Variants in SMOC1 observed in about 807,000 individuals in gnomAD.
The protein encoded by SMOC1 is SPARC related modular calcium binding 1.
A neutral mutation model predicts 56.3 loss-of-function variants in SMOC1; 22 were observed. That is an observed-to-expected ratio of 0.39 (90% CI 0.28 to 0.56). SMOC1 has a LOEUF of 0.56. Ranked by LOEUF, SMOC1 falls within the 20% of genes least tolerant of loss-of-function variation. The pLI is 0.61. For synonymous variants in SMOC1, 193 were observed against 215.0 expected, an observed-to-expected ratio of 0.90 and a Z score of 0.89; for missense variants, 509 against 565.4, an observed-to-expected ratio of 0.90 and a Z score of 1.01.
In SMOC1 at chr14:70,013,430, G is replaced by T; in HGVS notation, c.985G>T (p.Asp329Tyr). 2.5e-6 allele frequency: 4 copies of T among 1,614,216 alleles called. No homozygotes were observed. Among genetic ancestry groups the T allele is most frequent in the Non-Finnish European group, 3.4e-6 (4 of 1,180,050 alleles). The change falls in exon 10 of 12, where the codon GAT (aspartate) becomes TAT (tyrosine). Residue 329 changes from aspartate (D) to tyrosine (Y), a missense_variant. By Grantham distance (160) the Asp-to-Tyr change is radical. Around this residue, in one of 3 missense-constraint regions of SMOC1, gnomAD observed 176 missense variants for 188.1 expected, o/e 0.94. Coordinates refer to ENST00000361956, the MANE Select transcript of SMOC1 (RefSeq NM_001034852.3). ...AATGGAGTTTATCACCAGCCTACTG[G>T]ATGCTCTCACCACTGACATGGTTCA... is the stretch of plus-strand genomic sequence containing the variant. The part of the protein sequence containing the change: ...KKMEFITSLL[D>Y]ALTTDMVQAI...
intron 5 of SMOC1, among the ~76,000 whole-genome samples, chr14:69,989,444 A>T (rs1884485498): frequency 1.3e-5 from 2 of 152,242 alleles, no homozygotes; most frequent in African/African-American, 2.4e-5. Context: ...ATAGGATTTT[A>T]ATTTTGTAAA....
chr14:69,926,018 G>T (rs7146797), intron 1 of SMOC1, among the ~76,000 whole-genome samples: 3,852 of 149,690 alleles, frequency 0.026, 133 homozygotes, highest in African/African-American at 0.082. Flanking sequence ...TGTCACCGAG[G>T]CCCAAGGAGC....
rs78857203 is a variant in SMOC1, at chr14:69,961,935, T to A, written c.378+8403T>A. On this transcript the variant is annotated intron_variant, in intron 3 of 11. Transcript: ENST00000361956. ...AACACTTGTTATTTTCCATCTTTCT[T>A]ATTAGTATCTTTTCTAGTGGGTGTG... 5.9e-4 allele frequency among the ~76,000 whole-genome samples: 90 copies of A among 152,314 alleles called. 1 individual carries two copies. In the South Asian group the frequency reaches 0.018, roughly 30 times the overall value.
chr14:70,022,393 AG>A (rs146821413), intron 10 of SMOC1, among the ~76,000 whole-genome samples: 2,480 of 152,314 alleles, frequency 0.016, 73 homozygotes, highest in African/African-American at 0.057. Flanking sequence ...TCTGGATGCC[AG>A]GAAGTGTTCT....
chr14:69,973,970 G>T (rs947618436), intron 3 of SMOC1, among the ~76,000 whole-genome samples: 4 of 150,680 alleles, frequency 2.7e-5, no homozygotes, highest in Non-Finnish European at 5.9e-5. Context: ...TTTGCAGTTG[G>T]CACATGTCTT....
At chr14:70,023,155 G>T (rs767139246) in intron 10 of SMOC1, 48 bp from the exon 11 acceptor site, 19 of 1,613,250 alleles carry the variant, frequency 1.2e-5, no homozygotes, top group Non-Finnish European at 1.5e-5. Flanking sequence ...GTTCCTGCAA[G>T]ATCCTGATTG....
Position 69,953,506 on chromosome 14 carries a change from T to C in SMOC1, c.352T>C (p.Cys118Arg), listed in dbSNP as rs1405684121. 2 of 1,613,998 alleles carry C rather than the reference T, an allele frequency of 1.2e-6. No individual in the cohort carries two copies. Among genetic ancestry groups the C allele is most frequent in the Non-Finnish European group, 8.5e-7 (1 of 1,180,012 alleles). ...KPQEAVFVPE[C>R]GEDGSFTQVQ... ...TCAGGAAGCTGTGTTTGTCCCAGAGTGTGGCGAGGATGGCTCCTTTACCCA... is the reference window on the plus strand; with the variant it reads ...TCAGGAAGCTGTGTTTGTCCCAGAGCGTGGCGAGGATGGCTCCTTTACCCA... The change falls in exon 3 of 12, where the codon TGT (cysteine) becomes CGT (arginine). Residue 118 changes from cysteine (C) to arginine (R), a missense_variant. By Grantham distance (180) the Cys-to-Arg change is radical (BLOSUM62 -3). Transcript: ENST00000361956.
Position 69,965,134 on chromosome 14 carries a change from T to TA in SMOC1, c.379-10581_379-10580insA, listed in dbSNP as rs1458336347. Among the ~76,000 whole-genome samples, 12 of 152,148 alleles carry TA rather than the reference T, an allele frequency of 7.9e-5. No individual in the cohort carries two copies. In the East Asian group the frequency reaches 2.3e-3, roughly 29 times the overall value. On this transcript the variant is annotated intron_variant, in intron 3 of 11. Transcript: ENST00000361956. ...AGCGCACGCCTGTAATCCCAGCACT[T>TA]TGGGAGGCCGAGGTGGGTGAATCAC...
Position 70,024,849 on chromosome 14 carries a change from A to G in SMOC1, c.1291+1402A>G, listed in dbSNP as rs146789192. ...ATTGATAGTATCAGTTTTTCTTTAA[A>G]AAGTATTCTGGTTTCAGGGTGGGAC... On this transcript the variant is annotated intron_variant, in intron 11 of 11. Coordinates refer to ENST00000361956, the MANE Select transcript of SMOC1 (RefSeq NM_001034852.3). 4.4e-3 allele frequency among the ~76,000 whole-genome samples: 669 copies of G among 152,302 alleles called. 2 individuals carry two copies. The highest frequency in any genetic ancestry group is 6.5e-3 in the Non-Finnish European group (445 of 68,022).
chr14:69,907,860 A>G (rs1232820137), intron 1 of SMOC1, among the ~76,000 whole-genome samples: 1 of 152,050 alleles, frequency 6.6e-6, no homozygotes, highest in African/African-American at 2.4e-5. Context: ...CCATCTTCTC[A>G]CTCTAATCTT....
intron 1 of SMOC1, among the ~76,000 whole-genome samples, chr14:69,881,840 C>T (rs749014512): frequency 3.3e-5 from 5 of 152,108 alleles, no homozygotes; most frequent in African/African-American, 4.8e-5. Flanking sequence ...CTTACTCGAA[C>T]GAGAACAAGA....
intron 3 of SMOC1, among the ~76,000 whole-genome samples, chr14:69,972,713 G>A (rs947600856): frequency 3.3e-5 from 5 of 152,252 alleles, no homozygotes; most frequent in African/African-American, 9.6e-5. Context: ...GTGGCCCTTG[G>A]GACCCTCTGA....
Position 69,977,803 on chromosome 14 carries a change from C to T in SMOC1, c.479-115C>T. ...TATATAATATCCTTAGATGTGTATA[C>T]AATACATATATACATGACCATATGC... On this transcript the variant is annotated intron_variant, in intron 4 of 11. Coordinates refer to ENST00000361956, the MANE Select transcript of SMOC1 (RefSeq NM_001034852.3). The T allele has an allele frequency of 4.9e-6, 4 of 815,426 alleles. No individual in the cohort carries two copies. In the Admixed American group the frequency reaches 5.3e-5, roughly 11 times the overall value. The allele number at this position is 815,426 out of a possible 1,614,324, so 50.5% of individuals were successfully genotyped here. A position where few individuals can be genotyped will look rare whatever the true frequency, so the allele number is the denominator to read the frequency against.
At chr14:69,912,079 C>G (rs1272139440) in intron 1 of SMOC1, among the ~76,000 whole-genome samples, 1 of 152,104 alleles carries the variant, frequency 6.6e-6, no homozygotes, top group East Asian at 1.9e-4. Flanking sequence ...TGTGGTATCT[C>G]ATTATGATTT....
intron 1 of SMOC1, among the ~76,000 whole-genome samples, chr14:69,893,658 A>T (rs371166309): frequency 4.0e-4 from 61 of 152,346 alleles, no homozygotes; most frequent in African/African-American, 1.4e-3. Flanking sequence ...TTATGTTACA[A>T]GAAACAGATA....
At chr14:69,884,766 C>T (rs1566660200) in intron 1 of SMOC1, among the ~76,000 whole-genome samples, 1 of 152,038 alleles carries the variant, frequency 6.6e-6, no homozygotes, top group Non-Finnish European at 1.5e-5. Flanking sequence ...TTTTTGGGCT[C>T]TGTCTTCTGT....
At chr14:69,898,844 A>G (rs1884164323) in intron 1 of SMOC1, among the ~76,000 whole-genome samples, 1 of 151,932 alleles carries the variant, frequency 6.6e-6, no homozygotes, top group Non-Finnish European at 1.5e-5. Context: ...TTTGCCTTCT[A>G]GTATGCCTTG....
chr14:69,906,526 G>A (rs777717882), intron 1 of SMOC1, among the ~76,000 whole-genome samples: 4 of 152,218 alleles, frequency 2.6e-5, no homozygotes, highest in Non-Finnish European at 5.9e-5. Context: ...CCTCTGTGGA[G>A]CAGAGACAAA....
At chr14:70,001,072 C>T (rs1254472247) in intron 7 of SMOC1, among the ~76,000 whole-genome samples, 1 of 152,108 alleles carries the variant, frequency 6.6e-6, no homozygotes, top group African/African-American at 2.4e-5. Context: ...TTCCCCTTAA[C>T]CCAGCCCCTT....
Sources: gnomAD v4.1 joint callset for allele counts (sites outside exome capture counted in the v4.1 genomes callset) on GRCh38, gnomAD v4.1.1 for gene constraint, gnomAD v4.1.1 regional missense constraint, MANE v1.5 for transcripts, NCBI Gene and HGNC (gene_info 2026-07-23, HGNC 2026-07-21) for gene names.